PI4KA: variants seen among roughly 807,000 people sequenced by gnomAD.
The protein encoded by PI4KA is PI4-kinase alpha.
In PI4KA, 122 loss-of-function variants were observed where a neutral mutation model predicts 271.4. The ratio of observed to expected loss-of-function variants is 0.45; its 90% CI spans 0.39 to 0.52. The LOEUF (loss-of-function observed/expected upper bound fraction) is 0.52, where lower values mean the gene tolerates loss of function less well. Ranked by LOEUF, PI4KA falls within the 20% of genes least tolerant of loss-of-function variation. The pLI is 0.00. For missense variants in PI4KA, 1,969 were observed against 2,769.1 expected (o/e 0.71, Z 6.48); for synonymous variants, 1,041 against 1,078.8 (o/e 0.96, Z 0.69).
chr22:20,790,117 ATAT>A (rs897170577), intron 19 of PI4KA, among the ~76,000 whole-genome samples: 21 of 152,234 alleles, frequency 1.4e-4, no homozygotes, highest in African/African-American at 4.8e-4. Flanking sequence ...CTCTGAAGAA[ATAT>A]TATTCACAAA....
intron 45 of PI4KA, among the ~76,000 whole-genome samples, chr22:20,716,045 ATGCC>A (rs1185986375): frequency 6.8e-6 from 1 of 147,992 alleles, no homozygotes; most frequent in African/African-American, 2.5e-5. Flanking sequence ...ACGCGCCACC[ATGCC>A]TGGTTAGTTT....
At chr22:20,713,786 G>A (rs1418313415) in intron 47 of PI4KA, among the ~76,000 whole-genome samples, 1 of 152,222 alleles carries the variant, frequency 6.6e-6, no homozygotes, top group Non-Finnish European at 1.5e-5. Context: ...CCCTGCAAGG[G>A]GTGGCAGCCC....
rs187999300 is a variant in PI4KA at position 20,748,190 on chromosome 22, T to C, written c.3244-488A>G. On this transcript the variant is annotated intron_variant, in intron 28 of 54. Coordinates refer to ENST00000255882, the MANE Select transcript of PI4KA (RefSeq NM_058004.4). ...CCCTCTATGACCAGCTACTGCTCAT[T>C]TGACTGAGGACAAGGCCAATTCCCC... Among the ~76,000 whole-genome samples, 406 of 152,350 alleles carry C rather than the reference T, an allele frequency of 2.7e-3. 7 individuals carry two copies. The highest frequency in any genetic ancestry group is 3.2e-4 in the Non-Finnish European group (22 of 68,030).
At position 20,819,943 on chromosome 22, in the gene PI4KA, TG is replaced by T. The variant is rs1355581385; in HGVS notation, c.530-44del. On this transcript the variant is annotated intron_variant, in intron 5 of 54. Coordinates refer to ENST00000255882, the MANE Select transcript of PI4KA (RefSeq NM_058004.4). ...AACGTTACAATATAAGAAAGTATCCTGATAGAGTCATATAGTAAGTACTAAC... is the reference window on the plus strand; with the variant it reads ...AACGTTACAATATAAGAAAGTATCCTATAGAGTCATATAGTAAGTACTAAC... 4 of 1,537,608 alleles carry T rather than the reference TG, an allele frequency of 2.6e-6. No homozygotes were observed. The African/African-American group carries it at 5.5e-5, about 21-fold the overall frequency.
At chr22:20,786,742 A>G in intron 19 of PI4KA, 1 of 921,946 alleles carries the variant, frequency 1.1e-6, no homozygotes, top group Non-Finnish European at 1.7e-6. Context: ...TTCAAGAGTG[A>G]CTCTGACCAG....
chr22:20,753,796 C>T (rs1930975015), intron 23 of PI4KA, among the ~76,000 whole-genome samples: 1 of 152,062 alleles, frequency 6.6e-6, no homozygotes. Context: ...ACGCCATTCT[C>T]CTGCCTCAGC....
chr22:20,785,369 C>G (rs945148044), intron 19 of PI4KA, among the ~76,000 whole-genome samples: 3 of 152,168 alleles, frequency 2.0e-5, no homozygotes, highest in Non-Finnish European at 4.4e-5. Flanking sequence ...CTGTGCCTGG[C>G]CCATTTGACT....
At chr22:20,756,623 A>G (rs1255084225) in intron 23 of PI4KA, among the ~76,000 whole-genome samples, 4 of 150,408 alleles carry the variant, frequency 2.7e-5, no homozygotes, top group African/African-American at 9.9e-5. Context: ...GTAGCATCTA[A>G]GGAGATTAAA....
intron 18 of PI4KA, 122 bp downstream of exon 18, chr22:20,796,024 G>T: frequency 1.1e-6 from 1 of 898,262 alleles, no homozygotes; most frequent in Non-Finnish European, 1.7e-6. Flanking sequence ...TTGCATTCCA[G>T]GCACATTTAA....
chr22:20,827,178 A>G (rs1923532217), intron 3 of PI4KA, among the ~76,000 whole-genome samples: 2 of 152,118 alleles, frequency 1.3e-5, no homozygotes, highest in Admixed American at 1.3e-4. Flanking sequence ...GGGTGTTTAT[A>G]GTTTAAGGTT....
At chr22:20,851,824 G>C (rs1009171207) in intron 1 of PI4KA, among the ~76,000 whole-genome samples, 1 of 152,178 alleles carries the variant, frequency 6.6e-6, no homozygotes. Context: ...AATGAAAGTA[G>C]CGTTCTGGCC....
At chr22:20,758,457 TTC>T (rs1491102245) in intron 23 of PI4KA, among the ~76,000 whole-genome samples, 4 of 130,262 alleles carry the variant, frequency 3.1e-5, no homozygotes, top group African/African-American at 1.2e-4. Context: ...TTTCTTTCTT[TTC>T]TTTTTTTTTT....
chr22:20,780,565 C>A (rs911367142), intron 19 of PI4KA, among the ~76,000 whole-genome samples: 10 of 152,114 alleles, frequency 6.6e-5, no homozygotes, highest in South Asian at 4.2e-4. Context: ...GTCAGGAGTT[C>A]GAGATCAGCC....
At position 20,707,920 on chromosome 22, in the gene PI4KA, C is replaced by A; in HGVS notation, c.*127G>T. 1.1e-6 allele frequency: 1 copy of A among 870,244 alleles called. No individual in the cohort carries two copies. Among genetic ancestry groups the A allele is most frequent in the Non-Finnish European group, 2.0e-6 (1 of 503,700 alleles). The allele number at this position is 870,244 out of a possible 1,614,324, so 53.9% of individuals were successfully genotyped here. ...CCACGTGCTGCCCCAGGAGGCGCTA[C>A]CAGGTTCTTTGGGCCACAGGCCTCT... On this transcript the variant is annotated 3_prime_UTR_variant, in exon 55 of 55. Coordinates refer to ENST00000255882, the MANE Select transcript of PI4KA (RefSeq NM_058004.4).
chr22:20,710,888 T>C (rs369441446), intron 51 of PI4KA, 30 bp from the exon 52 acceptor site: 10 of 1,609,530 alleles, frequency 6.2e-6, no homozygotes, highest in Middle Eastern at 2.2e-4. Flanking sequence ...TGCCTGTGAC[T>C]GGGTAGGAGC....
chr22:20,788,553 C>T (rs921527467), intron 19 of PI4KA, among the ~76,000 whole-genome samples: 4 of 152,242 alleles, frequency 2.6e-5, no homozygotes, highest in Non-Finnish European at 1.5e-5. Context: ...GGCAGGGGGA[C>T]CCTGCAGCCC....
At chr22:20,834,476 T>C (rs761710804) in intron 3 of PI4KA, 86 bp downstream of exon 3, 1 of 822,002 alleles carries the variant, frequency 1.2e-6, no homozygotes, top group Non-Finnish European at 2.1e-6. Flanking sequence ...GCATCTGATG[T>C]GTCAGTATGA....
chr22:20,742,468 C>T, intron 31 of PI4KA, 113 bp from the exon 32 acceptor site: 1 of 1,554,048 alleles, frequency 6.4e-7, no homozygotes, highest in South Asian at 1.2e-5. Context: ...CTTTTATTGA[C>T]TTTCCACTCA....
intron 19 of PI4KA, among the ~76,000 whole-genome samples, chr22:20,791,010 C>T (rs529127107): frequency 6.6e-5 from 10 of 152,224 alleles, no homozygotes; most frequent in Admixed American, 5.9e-4. Context: ...CCCAGCAGCC[C>T]GGAGAGGCGC....
Sources: gnomAD v4.1 joint callset for allele counts (sites outside exome capture counted in the v4.1 genomes callset) on GRCh38, gnomAD v4.1.1 for gene constraint, MANE v1.5 for transcripts, NCBI Gene and HGNC (gene_info 2026-07-23, HGNC 2026-07-21) for gene names.